The following PRKCE variants were observed in gnomAD, a reference collection of about 807,000 sequenced individuals.
PRKCE encodes the protein protein kinase C epsilon.
Under a neutral mutation model 85.4 loss-of-function variants are expected in PRKCE, and 16 were observed. The observed-to-expected ratio is 0.19, with a 90% CI of 0.13 to 0.28. The LOEUF (loss-of-function observed/expected upper bound fraction) is 0.28, where lower values mean the gene tolerates loss of function less well. PRKCE is among the 10% of genes least tolerant of loss of function. The pLI is 1.00. For missense variants in PRKCE, 573 were observed against 975.2 expected, an observed-to-expected ratio of 0.59 and a Z score of 5.49; for synonymous variants, 388 against 371.5, an observed-to-expected ratio of 1.04 and a Z score of -0.51.
chr2:45,887,500 T>G lies in PRKCE; in HGVS notation c.412+44437T>G, dbSNP rs557958056. On this transcript the variant is annotated intron_variant, in intron 2 of 14. Coordinates refer to ENST00000306156, the MANE Select transcript of PRKCE (RefSeq NM_005400.3). ...GAAGACAAAGGTCTCTAGGTGGCGG[T>G]TTCAGGAATAAGTACCCCGGAACCA... Among the ~76,000 whole-genome samples the G allele has an allele frequency of 2.0e-5, 3 of 150,402 alleles. No homozygotes were observed. In the East Asian group the frequency reaches 5.8e-4, roughly 29 times the overall value.
At chr2:45,669,027 A>T (rs1339970946) in intron 1 of PRKCE, among the ~76,000 whole-genome samples, 1 of 152,190 alleles carries the variant, frequency 6.6e-6, no homozygotes, top group Admixed American at 6.5e-5. Context: ...ATTCTTTCAC[A>T]TTGTTGGGAC....
At chr2:45,898,936 A>G (rs1252150431) in intron 2 of PRKCE, among the ~76,000 whole-genome samples, 2 of 152,330 alleles carry the variant, frequency 1.3e-5, no homozygotes, top group East Asian at 1.9e-4. Flanking sequence ...GAATGTCCCA[A>G]AAAGAAAGCA....
At chr2:46,093,530 CT>C (rs56905063) in intron 11 of PRKCE, among the ~76,000 whole-genome samples, 29,897 of 131,134 alleles carry the variant, frequency 0.23, 2,964 homozygotes, top group Middle Eastern at 0.33. Flanking sequence ...TTGTACTTTT[CT>C]TTTTTTTTTT....
chr2:45,833,830 T>C, intron 1 of PRKCE, among the ~76,000 whole-genome samples: 1 of 152,180 alleles, frequency 6.6e-6, no homozygotes, highest in East Asian at 1.9e-4. Flanking sequence ...AATGCTTGGG[T>C]AGGTGGCTAC....
chr2:45,917,909 G>GC (rs1697940730), intron 2 of PRKCE, among the ~76,000 whole-genome samples: 1 of 120,242 alleles, frequency 8.3e-6, no homozygotes, highest in African/African-American at 3.0e-5. Context: ...GCAGCCGCTG[G>GC]CCCGGTGCTA....
intron 2 of PRKCE, among the ~76,000 whole-genome samples, chr2:45,848,301 T>G (rs1448654112): frequency 6.8e-6 from 1 of 146,396 alleles, no homozygotes; most frequent in African/African-American, 2.5e-5. Context: ...GACCAATAGT[T>G]AGCAATTCAT....
chr2:46,082,890 AT>A (rs1669228824), intron 10 of PRKCE, among the ~76,000 whole-genome samples: 1 of 152,234 alleles, frequency 6.6e-6, no homozygotes, highest in African/African-American at 2.4e-5. Flanking sequence ...TGAGACAGGC[AT>A]TTTAACATAT....
intron 1 of PRKCE, among the ~76,000 whole-genome samples, chr2:45,818,451 C>T (rs1573478944): frequency 6.6e-6 from 1 of 152,238 alleles, no homozygotes. Flanking sequence ...TACCCTGGGT[C>T]TCAATCATCC....
intron 1 of PRKCE, among the ~76,000 whole-genome samples, chr2:45,708,465 G>A (rs1379514903): frequency 1.3e-5 from 2 of 152,180 alleles, no homozygotes; most frequent in Non-Finnish European, 2.9e-5. Context: ...TAGTGAATAA[G>A]CCTCATGAGA....
At chr2:45,694,602 G>C (rs1442486297) in intron 1 of PRKCE, among the ~76,000 whole-genome samples, 2 of 152,214 alleles carry the variant, frequency 1.3e-5, no homozygotes, top group Non-Finnish European at 2.9e-5. Context: ...GAGTTGTGTG[G>C]TTGAGGAAGG....
At chr2:45,790,491 T>C (rs1686951262) in intron 1 of PRKCE, among the ~76,000 whole-genome samples, 1 of 152,202 alleles carries the variant, frequency 6.6e-6, no homozygotes, top group Non-Finnish European at 1.5e-5. Context: ...GCTTGTAGGA[T>C]GTATCTATTA....
intron 10 of PRKCE, among the ~76,000 whole-genome samples, chr2:46,013,401 A>G (rs375153504): frequency 9.2e-5 from 14 of 152,264 alleles, no homozygotes; most frequent in African/African-American, 3.4e-4. Flanking sequence ...TTGAATAGTT[A>G]TGTTCTAGAT....
chr2:45,762,084 G>A (rs116772246), intron 1 of PRKCE, among the ~76,000 whole-genome samples: 1,690 of 152,262 alleles, frequency 0.011, 32 homozygotes, highest in African/African-American at 0.039. Flanking sequence ...TAGGGGAGTA[G>A]CTGCTATACA....
intron 1 of PRKCE, among the ~76,000 whole-genome samples, chr2:45,711,660 G>T (rs1413270118): frequency 6.6e-6 from 1 of 152,126 alleles, no homozygotes; most frequent in African/African-American, 2.4e-5. Flanking sequence ...GACGAGTCTT[G>T]CTCTGTCACC....
intron 2 of PRKCE, among the ~76,000 whole-genome samples, chr2:45,923,653 G>C (rs1698414457): frequency 6.6e-6 from 1 of 152,220 alleles, no homozygotes; most frequent in Non-Finnish European, 1.5e-5. Flanking sequence ...GAAGCAATGT[G>C]TGCAGGTTTG....
intron 1 of PRKCE, among the ~76,000 whole-genome samples, chr2:45,824,181 T>G (rs1689759078): frequency 6.6e-6 from 1 of 152,210 alleles, no homozygotes; most frequent in Non-Finnish European, 1.5e-5. Context: ...CAGGGATAAT[T>G]TGCAGGCTTC....
At chr2:46,104,021 T>C (rs1014086207) in intron 11 of PRKCE, among the ~76,000 whole-genome samples, 2 of 152,168 alleles carry the variant, frequency 1.3e-5, no homozygotes, top group African/African-American at 4.8e-5. Context: ...TACCAATTCT[T>C]CCACCGTTTG....
chr2:46,004,045 T>C lies in PRKCE; in HGVS notation c.967-497T>C. 1 of 181,778 alleles carries C rather than the reference T, an allele frequency of 5.5e-6. No homozygotes were observed. The highest frequency in any genetic ancestry group is 1.2e-5 in the Non-Finnish European group (1 of 84,440). The allele number at this position is 181,778 out of a possible 1,614,324, so 11.3% of individuals were successfully genotyped here. ...TTCAAAGATCTCTTTGCAGTCTTTG[T>C]CCAGCTTTAGCCTGGTGATAACCAC... is the stretch of plus-strand genomic sequence containing the variant. On this transcript the variant is annotated intron_variant, in intron 7 of 14. Coordinates refer to ENST00000306156, the MANE Select transcript of PRKCE (RefSeq NM_005400.3). The surrounding 1 kb of genome is among the most constrained non-coding windows in gnomAD (Gnocchi z 4.1).
intron 2 of PRKCE, among the ~76,000 whole-genome samples, chr2:45,925,804 T>C (rs1404607001): frequency 6.6e-6 from 1 of 152,212 alleles, no homozygotes; most frequent in Non-Finnish European, 1.5e-5. Flanking sequence ...CTGCTTTCAA[T>C]CATCGTGGGC....
Sources: allele counts gnomAD v4.1 joint callset (sites outside exome capture counted in the v4.1 genomes callset), GRCh38; gene constraint gnomAD v4.1.1; non-coding constraint Gnocchi (gnomAD v3.1); transcripts MANE v1.5; gene names NCBI Gene and HGNC (gene_info 2026-07-23, HGNC 2026-07-21).